ZFHX3: variants seen among roughly 807,000 people sequenced by gnomAD.
The protein encoded by ZFHX3 is zinc finger homeobox protein 3.
A neutral mutation model predicts 279.1 loss-of-function variants in ZFHX3; 42 were observed. The observed-to-expected ratio is 0.15, with a 90% CI of 0.12 to 0.19. The LOEUF (loss-of-function observed/expected upper bound fraction) is 0.19, where lower values mean the gene tolerates loss of function less well. Ranked by LOEUF, ZFHX3 falls within the 10% of genes least tolerant of loss-of-function variation. The pLI is 1.00. For missense variants in ZFHX3, 4,981 were observed against 4,754.0 expected (o/e 1.05, Z -1.40); for synonymous variants, 2,293 against 1,957.8 (o/e 1.17, Z -4.52).
At chr16:73,530,780 T>A (rs1253060281) in intron 2 of ZFHX3, among the ~76,000 whole-genome samples, 1 of 152,218 alleles carries the variant, frequency 6.6e-6, no homozygotes, top group Non-Finnish European at 1.5e-5. Context: ...TTATCTATAT[T>A]ATCTTTATAT....
intron 3 of ZFHX3, among the ~76,000 whole-genome samples, chr16:73,329,630 G>A (rs996107763): frequency 1.3e-5 from 2 of 152,152 alleles, no homozygotes; most frequent in Non-Finnish European, 2.9e-5. Flanking sequence ...AAGCAAGCCA[G>A]GCCACATTAA....
In ZFHX3 at chr16:72,786,241, GT is replaced by G. The variant is rs765216919; in HGVS notation, c.*922del. 1,521 of 136,036 alleles carry G rather than the reference GT, an allele frequency of 0.011. 18 individuals carry two copies. Among genetic ancestry groups the G allele is most frequent in the African/African-American group, 0.027 (1,006 of 37,522 alleles). The allele number at this position is 136,036 out of a possible 1,614,324, so 8.4% of individuals were successfully genotyped here. On this transcript the variant is annotated 3_prime_UTR_variant, in exon 10 of 10. Transcript: ENST00000268489. ...ACAAAAAGCTAAATGTACACAAAAG[GT>G]TTTTTTTTTTTTTTCCTTTTAAATC...
intron 3 of ZFHX3, among the ~76,000 whole-genome samples, chr16:72,923,101 C>G: frequency 6.6e-6 from 1 of 152,134 alleles, no homozygotes; most frequent in East Asian, 1.9e-4. Context: ...ATGTTGTGTA[C>G]ATAAATAGAA....
chr16:73,250,738 G>A (rs1209683134), intron 5 of ZFHX3, among the ~76,000 whole-genome samples: 6 of 152,154 alleles, frequency 3.9e-5, no homozygotes, highest in South Asian at 4.2e-4. Context: ...GTTTCACCGC[G>A]TTAGCCAGGA....
chr16:73,524,620 T>G (rs1048293051), intron 2 of ZFHX3, among the ~76,000 whole-genome samples: 1 of 152,178 alleles, frequency 6.6e-6, no homozygotes, highest in Non-Finnish European at 1.5e-5. Context: ...TTCTCTCTAG[T>G]GTCCTACTCT....
chr16:72,927,126 G>GTC (rs1959494446), intron 3 of ZFHX3, among the ~76,000 whole-genome samples: 1 of 151,766 alleles, frequency 6.6e-6, no homozygotes, highest in South Asian at 2.1e-4. Context: ...GAACCTTCAG[G>GTC]TCTCCACTCC....
At position 72,798,410 on chromosome 16, in the gene ZFHX3, C is replaced by T. The variant is rs1046062511; in HGVS notation, c.4272G>A (p.Val1424=). 6 of 1,614,114 alleles carry T rather than the reference C, an allele frequency of 3.7e-6. No individual in the cohort carries two copies. In the African/African-American group the frequency reaches 8.0e-5, roughly 22 times the overall value. Residue 1424 remains valine, a synonymous_variant, in exon 9 of 10, where the codon GTG becomes GTA. Transcript: ENST00000268489. ...EKLQLHSQYH[V]IRAATMCCLC... is the part of the protein sequence containing the mutation. Reference sequence around the variant, plus strand: ...GACAGCACATGGTGGCAGCTCTGATCACATGGTACTGAGAATGGAGCTGCA... The same window carrying T: ...GACAGCACATGGTGGCAGCTCTGATTACATGGTACTGAGAATGGAGCTGCA...
chr16:73,047,514 G>A (rs180685703), intron 1 of ZFHX3, among the ~76,000 whole-genome samples: 3 of 152,326 alleles, frequency 2.0e-5, no homozygotes, highest in East Asian at 1.9e-4. Context: ...AGGAAAGGAG[G>A]AGGGAGGGGA....
At position 73,041,206 on chromosome 16, in the gene ZFHX3, G is replaced by A. The variant is rs180702570; in HGVS notation, c.-50+6546C>T. Among the ~76,000 whole-genome samples, 21 of 152,258 alleles carry A rather than the reference G, an allele frequency of 1.4e-4. No individual in the cohort carries two copies. In the East Asian group the frequency reaches 3.9e-3, roughly 28 times the overall value. ...ACACCTCCCTCCAGTTACACATCTGGGAGTCCGCACCAGGATTTCCTCTGT... is the reference window on the plus strand; with the variant it reads ...ACACCTCCCTCCAGTTACACATCTGAGAGTCCGCACCAGGATTTCCTCTGT... On this transcript the variant is annotated intron_variant, in intron 1 of 9. Coordinates refer to ENST00000268489, the MANE Select transcript of ZFHX3 (RefSeq NM_006885.4).
At chr16:73,445,695 G>A (rs2018174982) in intron 3 of ZFHX3, among the ~76,000 whole-genome samples, 1 of 152,168 alleles carries the variant, frequency 6.6e-6, no homozygotes, top group Non-Finnish European at 1.5e-5. Context: ...TCCAACTTCT[G>A]GAGTCTCATT....
In ZFHX3 at chr16:73,882,460, GT is replaced by G. The variant is rs112553133; in HGVS notation, c.-1608+9190del. ...ATTTAAGAAGAATTAAGCTTTTAAA[GT>G]TTTTTTTTTCCCATCTCTAAAAAGC... On this transcript the variant is annotated intron_variant, in intron 1 of 17. Coordinates refer to the ZFHX3 transcript ENST00000641206. Among the ~76,000 whole-genome samples, 50 of 150,232 alleles carry G rather than the reference GT, an allele frequency of 3.3e-4. No homozygotes were observed. The East Asian group carries it at 4.1e-3, about 12-fold the overall frequency.
chr16:73,558,167 A>G lies in ZFHX3; in HGVS notation c.-1546-101909T>C, dbSNP rs548036754. Reference sequence around the variant, plus strand: ...AGGCCACAGTGAAATAATAGAGTGCAAATTTCTAAATGCCTGCATTTTATG... The same window carrying G: ...AGGCCACAGTGAAATAATAGAGTGCGAATTTCTAAATGCCTGCATTTTATG... On this transcript the variant is annotated intron_variant, in intron 2 of 17. Coordinates refer to the ZFHX3 transcript ENST00000641206. The G allele has an allele frequency of 3.9e-5, 6 of 152,374 alleles. No homozygotes were observed. The South Asian group carries it at 1.0e-3, about 26-fold the overall frequency. The allele number at this position is 152,374 out of a possible 1,614,324, so 9.4% of individuals were successfully genotyped here.
chr16:73,140,677 G>A (rs901792230), intron 6 of ZFHX3, among the ~76,000 whole-genome samples: 12 of 152,272 alleles, frequency 7.9e-5, no homozygotes, highest in East Asian at 1.9e-4. Flanking sequence ...CCAACATGGC[G>A]TAACCCTGTC....
intron 3 of ZFHX3, among the ~76,000 whole-genome samples, chr16:72,918,978 G>A (rs920272517): frequency 1.3e-5 from 2 of 152,202 alleles, no homozygotes; most frequent in East Asian, 3.9e-4. Context: ...TTACAGGCGT[G>A]AGCCACCGCA....
intron 4 of ZFHX3, among the ~76,000 whole-genome samples, chr16:73,273,165 T>C (rs8063505): frequency 0.034 from 5,169 of 152,256 alleles, 301 homozygotes; most frequent in African/African-American, 0.12. Flanking sequence ...CTAATCCTCA[T>C]GTGGTAACAT....
intron 3 of ZFHX3, among the ~76,000 whole-genome samples, chr16:73,337,843 C>A (rs780275638): frequency 2.9e-5 from 4 of 137,642 alleles, no homozygotes; most frequent in Admixed American, 8.3e-5. Context: ...ATCTTCCCAG[C>A]TTACTCTTTC....
intron 1 of ZFHX3, among the ~76,000 whole-genome samples, chr16:73,053,686 G>A (rs1965491498): frequency 6.6e-6 from 1 of 152,234 alleles, no homozygotes; most frequent in African/African-American, 2.4e-5. Flanking sequence ...ACCCTAGGAC[G>A]AGGCACAGCC....
At chr16:73,135,992 G>A (rs1430071145) in intron 6 of ZFHX3, among the ~76,000 whole-genome samples, 1 of 152,148 alleles carries the variant, frequency 6.6e-6, no homozygotes, top group East Asian at 1.9e-4. Context: ...TGAGTAGCTG[G>A]GATTACAGGC....
intron 3 of ZFHX3, among the ~76,000 whole-genome samples, chr16:73,432,049 C>T (rs2017920003): frequency 6.6e-6 from 1 of 152,154 alleles, no homozygotes. Flanking sequence ...TCACCCTGAG[C>T]ACAGGGGAAA....
Sources: gnomAD v4.1 joint callset for allele counts (sites outside exome capture counted in the v4.1 genomes callset) on GRCh38, gnomAD v4.1.1 for gene constraint, MANE v1.5 for transcripts, NCBI Gene and HGNC (gene_info 2026-07-23, HGNC 2026-07-21) for gene names.